The following C12orf42 variants were observed in gnomAD, a reference collection of about 807,000 sequenced individuals.
C12orf42 encodes chromosome 12 open reading frame 42, also known as uncharacterized protein C12orf42.
Under a neutral mutation model 21.6 loss-of-function variants are expected in C12orf42, and 25 were observed. The ratio of observed to expected loss-of-function variants is 1.16; its 90% CI spans 0.84 to 1.62. The LOEUF (loss-of-function observed/expected upper bound fraction) is 1.62. C12orf42 is among the 40% of genes most tolerant of loss of function. The pLI is 0.00. For synonymous variants in C12orf42, 174 were observed against 175.0 expected (o/e 0.99, Z 0.05); for missense variants, 483 against 459.3 (o/e 1.05, Z -0.47).
chr12:103,417,738 T>G (rs2049488774), intron 2 of C12orf42, among the ~76,000 whole-genome samples: 1 of 152,200 alleles, frequency 6.6e-6, no homozygotes. Flanking sequence ...TGCACAAGAT[T>G]TGCCAGATAG....
chr12:103,082,462 T>C, the C12orf42 span, among the ~76,000 whole-genome samples: 14 of 152,362 alleles, frequency 9.2e-5, no homozygotes, highest in African/African-American at 3.4e-4. Flanking sequence ...AATCTCTGTT[T>C]AGTAGTTTCT....
chr12:103,361,946 T>C (rs916707869), intron 4 of C12orf42, among the ~76,000 whole-genome samples: 1 of 152,064 alleles, frequency 6.6e-6, no homozygotes, highest in Non-Finnish European at 1.5e-5. Context: ...ACAAAAAGCA[T>C]ATTCTCCTGG....
chr12:103,177,571 A>G, the C12orf42 span, among the ~76,000 whole-genome samples: 1 of 152,238 alleles, frequency 6.6e-6, no homozygotes, highest in Admixed American at 6.5e-5. Flanking sequence ...TTGTGAAAGC[A>G]TAGAACTGCC....
At position 103,273,399 on chromosome 12, in the gene C12orf42, C is replaced by T. The variant is rs144066963; in HGVS notation, n.399-3546G>A. Among the ~76,000 whole-genome samples, 11 of 152,062 alleles carry T rather than the reference C, an allele frequency of 7.2e-5. No homozygotes were observed. The East Asian group carries it at 2.1e-3, about 29-fold the overall frequency. On this transcript the variant is annotated intron_variant and non_coding_transcript_variant, in intron 5 of 6. Transcript: ENST00000546526. ...AAAATTTTAATGAACATAATGACTG[C>T]TTTAAGTAGTTATTTTAAGAATAAA...
the C12orf42 span, among the ~76,000 whole-genome samples, chr12:103,133,028 C>G: frequency 2.0e-4 from 30 of 152,302 alleles, no homozygotes; most frequent in Non-Finnish European, 1.5e-4. Context: ...ACTGGGCTGG[C>G]TTTGCCCTTT....
intron 4 of C12orf42, among the ~76,000 whole-genome samples, chr12:103,316,116 T>C (rs914067623): frequency 4.0e-5 from 6 of 150,002 alleles, no homozygotes; most frequent in African/African-American, 1.5e-4. Flanking sequence ...AGTATATATA[T>C]ACACACACAC....
chr12:103,374,827 C>G (rs919946334), intron 3 of C12orf42, among the ~76,000 whole-genome samples: 19 of 152,144 alleles, frequency 1.2e-4, no homozygotes, highest in African/African-American at 4.6e-4. Context: ...CTAGAGCAAG[C>G]AGGTTGGACA....
intron 1 of C12orf42, among the ~76,000 whole-genome samples, chr12:103,487,049 G>C (rs995417649): frequency 1.3e-5 from 2 of 152,116 alleles, no homozygotes; most frequent in Admixed American, 6.6e-5. Context: ...TTTGATGTTA[G>C]AGTGTTGATT....
At chr12:103,462,264 C>T (rs1032440486) in intron 2 of C12orf42, among the ~76,000 whole-genome samples, 1 of 151,410 alleles carries the variant, frequency 6.6e-6, no homozygotes, top group Non-Finnish European at 1.5e-5. Context: ...TGCGCCACCA[C>T]ATCCGGCTAA....
At chr12:103,061,864 TTA>T in the C12orf42 span, among the ~76,000 whole-genome samples, 7 of 152,076 alleles carry the variant, frequency 4.6e-5, no homozygotes, top group South Asian at 1.5e-3. Context: ...ATTGTTGATT[TTA>T]TATATATCAT....
chr12:103,267,237 C>T (rs990742281), downstream of C12orf42, among the ~76,000 whole-genome samples: 1 of 151,990 alleles, frequency 6.6e-6, no homozygotes. Flanking sequence ...ACACTGTGCC[C>T]GGAATTGAGG....
the C12orf42 span, among the ~76,000 whole-genome samples, chr12:103,197,847 T>G: frequency 6.6e-6 from 1 of 152,220 alleles, no homozygotes; most frequent in Non-Finnish European, 1.5e-5. Flanking sequence ...AGCTCAGCAC[T>G]CCTGGGCTGC....
the C12orf42 span, among the ~76,000 whole-genome samples, chr12:103,194,830 T>C: frequency 6.6e-6 from 1 of 152,176 alleles, no homozygotes; most frequent in East Asian, 1.9e-4. Flanking sequence ...GAAGTACATG[T>C]GCAGGTTTGT....
chr12:103,222,342 C>T, the C12orf42 span, among the ~76,000 whole-genome samples: 2 of 151,968 alleles, frequency 1.3e-5, no homozygotes, highest in African/African-American at 4.8e-5. Flanking sequence ...AGTGGGGGTG[C>T]TTTTTGAGCC....
chr12:103,265,811 G>GTTTTC (rs1399622133), downstream of C12orf42, among the ~76,000 whole-genome samples: 1 of 151,858 alleles, frequency 6.6e-6, no homozygotes, highest in Non-Finnish European at 1.5e-5. Context: ...GTTTTGTTTT[G>GTTTTC]TTTTGTTTTG....
chr12:103,071,288 T>C, the C12orf42 span, among the ~76,000 whole-genome samples: 1 of 152,160 alleles, frequency 6.6e-6, no homozygotes, highest in African/African-American at 2.4e-5. Context: ...ATTTTTAATG[T>C]TTCTTAAATG....
chr12:103,193,620 G>A, the C12orf42 span, among the ~76,000 whole-genome samples: 13 of 151,954 alleles, frequency 8.6e-5, no homozygotes, highest in African/African-American at 2.2e-4. Context: ...TCCTAGAAAC[G>A]TACAATCTAA....
intron 2 of C12orf42, among the ~76,000 whole-genome samples, chr12:103,461,104 T>C (rs1044316022): frequency 1.3e-5 from 2 of 152,208 alleles, no homozygotes; most frequent in African/African-American, 2.4e-5. Flanking sequence ...AATACAATAA[T>C]TTATGAGAAT....
At chr12:103,476,841 A>G (rs1954089451) in intron 2 of C12orf42, 1 of 152,232 alleles carries the variant, frequency 6.6e-6, no homozygotes, top group Admixed American at 6.5e-5. Context: ...ACAGAAGGAT[A>G]CTTAATATAT....
Sources: gnomAD v4.1 joint callset for allele counts (sites outside exome capture counted in the v4.1 genomes callset) on GRCh38, gnomAD v4.1.1 for gene constraint, MANE v1.5 for transcripts, NCBI Gene and HGNC (gene_info 2026-07-23, HGNC 2026-07-21) for gene names.